CASP4: variants seen among roughly 807,000 people sequenced by gnomAD.
The protein encoded by CASP4 is caspase 4, also known as caspase-4.
A neutral mutation model predicts 41.3 loss-of-function variants in CASP4; 29 were observed. That is an observed-to-expected ratio of 0.70 (90% confidence interval 0.52 to 0.96). CASP4 has a LOEUF of 0.96. Among genes scored for constraint, CASP4 ranks in the 40% least tolerant of loss-of-function variants. The pLI, the probability that CASP4 is intolerant of heterozygous loss-of-function variation, is 0.00. For missense variants in CASP4, 447 were observed against 460.6 expected, an observed-to-expected ratio of 0.97 and a Z score of 0.27; for synonymous variants, 185 against 158.4, an observed-to-expected ratio of 1.17 and a Z score of -1.26.
At chr11:104,949,892 A>T (rs1565365012) in intron 4 of CASP4, 115 bp from the exon 5 acceptor site, 1 of 928,290 alleles carries the variant, frequency 1.1e-6, no homozygotes, top group Non-Finnish European at 1.7e-6. Context: ...GTGGTGCTTC[A>T]CTTAGTGCTT....
intron 1 of CASP4, among the ~76,000 whole-genome samples, chr11:104,963,396 C>T (rs1860905572): frequency 6.6e-6 from 1 of 152,166 alleles, no homozygotes; most frequent in Non-Finnish European, 1.5e-5. Context: ...AAACAAAAAA[C>T]CCTCTGTTTT....
chr11:104,955,740 A>T (rs1378240657), intron 1 of CASP4, among the ~76,000 whole-genome samples: 3 of 152,144 alleles, frequency 2.0e-5, no homozygotes, highest in Non-Finnish European at 2.9e-5. Context: ...AATATTTATA[A>T]GGAAATATAG....
chr11:104,948,993 A>G lies in CASP4; in HGVS notation c.782-317T>C, dbSNP rs547160436. Reference sequence around the variant, plus strand: ...GGTCTCAAATTCCTGGCCTCAAGCCATCCTCCTGTCTTGGCCTCCCAAAGT... The same window carrying G: ...GGTCTCAAATTCCTGGCCTCAAGCCGTCCTCCTGTCTTGGCCTCCCAAAGT... On this transcript the variant is annotated intron_variant, in intron 5 of 8. Coordinates refer to ENST00000444739, the MANE Select transcript of CASP4 (RefSeq NM_001225.4). The G allele has an allele frequency of 2.9e-5, 6 of 207,080 alleles. No homozygotes were observed. In the South Asian group the frequency reaches 6.0e-4, roughly 21 times the overall value. The allele number at this position is 207,080 out of a possible 1,614,324, so 12.8% of individuals were successfully genotyped here. A position where few individuals can be genotyped will look rare whatever the true frequency, so the allele number is the denominator to read the frequency against.
intron 1 of CASP4, among the ~76,000 whole-genome samples, chr11:104,960,793 T>C (rs893210511): frequency 5.3e-5 from 8 of 152,022 alleles, no homozygotes; most frequent in Non-Finnish European, 1.2e-4. Flanking sequence ...TATTTTTCCA[T>C]TTAATTGTGA....
intron 1 of CASP4, among the ~76,000 whole-genome samples, chr11:104,959,592 T>C (rs1860813687): frequency 6.6e-6 from 1 of 152,194 alleles, no homozygotes; most frequent in South Asian, 2.1e-4. Flanking sequence ...TTGAAACCTA[T>C]ACATTCAATA....
intron 1 of CASP4, among the ~76,000 whole-genome samples, chr11:104,957,279 A>C (rs1035279859): frequency 6.6e-6 from 1 of 152,202 alleles, no homozygotes; most frequent in Admixed American, 6.6e-5. Context: ...TCTTTAAAAA[A>C]TAAATAAATT....
At chr11:104,967,198 C>G (rs559759683) in intron 1 of CASP4, among the ~76,000 whole-genome samples, 1 of 152,132 alleles carries the variant, frequency 6.6e-6, no homozygotes, top group Admixed American at 6.5e-5. Flanking sequence ...AATTATCAAA[C>G]CACGACTTGT....
intron 3 of CASP4, 125 bp downstream of exon 3, chr11:104,951,771 A>G: frequency 1.4e-6 from 1 of 706,628 alleles, no homozygotes; most frequent in Non-Finnish European, 2.6e-6. Context: ...CCTTAGTAAA[A>G]GCATTATTGA....
At chr11:104,960,841 A>C (rs1029515031) in intron 1 of CASP4, among the ~76,000 whole-genome samples, 2 of 152,028 alleles carry the variant, frequency 1.3e-5, no homozygotes, top group Non-Finnish European at 2.9e-5. Context: ...GTTAGAATTT[A>C]TGCTCTGTGA....
chr11:104,958,435 A>G (rs608212), intron 1 of CASP4, among the ~76,000 whole-genome samples: 90,299 of 151,916 alleles, frequency 0.59, 27,127 homozygotes, highest in Middle Eastern at 0.8. Flanking sequence ...TTCAATAGAA[A>G]GAAAATAAAC....
At chr11:104,966,734 A>G (rs1213540117) in intron 1 of CASP4, among the ~76,000 whole-genome samples, 2 of 152,204 alleles carry the variant, frequency 1.3e-5, no homozygotes, top group Non-Finnish European at 2.9e-5. Context: ...GTGATCAGAG[A>G]CAGGGCAAGT....
At chr11:104,946,289 G>T (rs2134632920) in intron 7 of CASP4, among the ~76,000 whole-genome samples, 1 of 152,252 alleles carries the variant, frequency 6.6e-6, no homozygotes, top group East Asian at 1.9e-4. Context: ...ACAAGAGGGT[G>T]CATTTATCTG....
chr11:104,966,533 G>A (rs1860979658), intron 1 of CASP4, among the ~76,000 whole-genome samples: 1 of 152,206 alleles, frequency 6.6e-6, no homozygotes, highest in African/African-American at 2.4e-5. Flanking sequence ...GCTGTCCAGA[G>A]AAGGGAGGGC....
chr11:104,946,937 G>A (rs1384509553), intron 7 of CASP4, 146 bp downstream of exon 7: 17 of 600,174 alleles, frequency 2.8e-5, no homozygotes, highest in Middle Eastern at 3.1e-4. Context: ...CTTTTCCTTA[G>A]CCATATTTTA....
chr11:104,947,121 A>G lies in CASP4; in HGVS notation c.997T>C (p.Tyr333His), dbSNP rs1487393584. 1.9e-6 allele frequency: 3 copies of G among 1,612,902 alleles called. No homozygotes were observed. Among genetic ancestry groups the G allele is most frequent in the Admixed American group, 3.3e-5 (2 of 59,982 alleles). Residue 333 changes from tyrosine (Y) to histidine (H), a missense_variant, in exon 7 of 9, where the codon TAT becomes CAT. Transcript: ENST00000444739. Reference protein sequence around the residue: ...ITQLITCFQKYSWCCHLEEVF... With the variant: ...ITQLITCFQKHSWCCHLEEVF... ...TCCTCTAGGTGGCAGCACCAAGAAT[A>G]TTTCTGGAAGCATGTGATGAGTTGT...
At chr11:104,966,955 T>C (rs1860988155) in intron 1 of CASP4, among the ~76,000 whole-genome samples, 1 of 152,200 alleles carries the variant, frequency 6.6e-6, no homozygotes, top group Non-Finnish European at 1.5e-5. Context: ...TTAGCTATCA[T>C]ATGGTAAGTA....
chr11:104,951,367 C>CA (rs1860609391), intron 3 of CASP4: 3 of 305,354 alleles, frequency 9.8e-6, no homozygotes, highest in Admixed American at 4.6e-5. Context: ...TCTTAGCATT[C>CA]AAAGTTCAGG....
chr11:104,945,895 A>G (rs977175022), intron 7 of CASP4, among the ~76,000 whole-genome samples: 2 of 150,876 alleles, frequency 1.3e-5, no homozygotes, highest in Admixed American at 1.3e-4. Flanking sequence ...CATCCAGGCT[A>G]GAGGGTAGTG....
In CASP4 at chr11:104,942,949, G is replaced by C. The variant is rs1860360337; in HGVS notation, c.*30C>G. On this transcript the variant is annotated 3_prime_UTR_variant, in exon 9 of 9. Coordinates refer to ENST00000444739, the MANE Select transcript of CASP4 (RefSeq NM_001225.4). Reference sequence around the variant, plus strand: ...GAAGGTGCTCCTTGAAGTTGATTAAGGAGGGCTGGGCTGCTTGTGGCTTCC... The same window carrying C: ...GAAGGTGCTCCTTGAAGTTGATTAACGAGGGCTGGGCTGCTTGTGGCTTCC... 3 of 455,554 alleles carry C rather than the reference G, an allele frequency of 6.6e-6. No individual in the cohort carries two copies. Among genetic ancestry groups the C allele is most frequent in the Non-Finnish European group, 1.3e-5 (3 of 226,906 alleles). 28.2% of individuals were successfully genotyped at this position (455,554 alleles called of 1,614,324 possible). A position where few individuals can be genotyped will look rare whatever the true frequency, so the allele number is the denominator to read the frequency against.
Sources: allele counts gnomAD v4.1 joint callset (sites outside exome capture counted in the v4.1 genomes callset), GRCh38; gene constraint gnomAD v4.1.1; transcripts MANE v1.5; gene names NCBI Gene and HGNC (gene_info 2026-07-23, HGNC 2026-07-21).